Variants in FER observed in about 807,000 individuals in gnomAD.
FER encodes the protein tyrosine-protein kinase Fer.
Under a neutral mutation model 111.0 loss-of-function variants are expected in FER, and 63 were observed. The observed-to-expected ratio is 0.57, with a 90% CI of 0.46 to 0.70. The LOEUF is 0.70. Among genes scored for constraint, FER ranks in the 30% least tolerant of loss-of-function variants. The probability of loss-of-function intolerance (pLI) is 0.00; values close to 1 mark genes in which losing one functional copy is unlikely to be tolerated. For missense variants in FER, 914 were observed against 954.0 expected, an observed-to-expected ratio of 0.96 and a Z score of 0.55; for synonymous variants, 327 against 313.9, an observed-to-expected ratio of 1.04 and a Z score of -0.44.
intron 10 of FER, among the ~76,000 whole-genome samples, chr5:108,919,671 C>T (rs779122675): frequency 7.9e-5 from 12 of 152,126 alleles, no homozygotes; most frequent in Non-Finnish European, 1.3e-4. Context: ...CAGACAAGAA[C>T]ATTGAAGCTT....
intron 17 of FER, among the ~76,000 whole-genome samples, chr5:109,162,377 A>T (rs1047150856): frequency 6.6e-6 from 1 of 152,140 alleles, no homozygotes; most frequent in East Asian, 1.9e-4. Context: ...AAATACAAAA[A>T]TAGTTTATTG....
At chr5:109,017,502 T>G (rs1311290461) in intron 13 of FER, among the ~76,000 whole-genome samples, 1 of 151,992 alleles carries the variant, frequency 6.6e-6, no homozygotes, top group Non-Finnish European at 1.5e-5. Flanking sequence ...ATAAGTCTTG[T>G]ATATTCACAG....
chr5:109,098,682 A>T (rs1747838329), intron 16 of FER, among the ~76,000 whole-genome samples: 3 of 151,798 alleles, frequency 2.0e-5, no homozygotes, highest in Non-Finnish European at 4.4e-5. Flanking sequence ...TTTACTTTTC[A>T]CTATTGAAAT....
intron 16 of FER, among the ~76,000 whole-genome samples, chr5:109,068,619 C>G (rs935661587): frequency 6.6e-6 from 1 of 152,138 alleles, no homozygotes; most frequent in Non-Finnish European, 1.5e-5. Flanking sequence ...GGCTTTGGAA[C>G]CATATGTGGT....
intron 16 of FER, among the ~76,000 whole-genome samples, chr5:109,073,488 A>G (rs1236724798): frequency 2.0e-5 from 3 of 152,130 alleles, no homozygotes; most frequent in East Asian, 1.9e-4. Context: ...GATCCTAGCT[A>G]AGGGGCCGGT....
At chr5:109,152,197 AAGTCAG>A (rs1470185979) in intron 17 of FER, among the ~76,000 whole-genome samples, 1 of 152,078 alleles carries the variant, frequency 6.6e-6, no homozygotes, top group Non-Finnish European at 1.5e-5. Context: ...TGTAAAATCA[AAGTCAG>A]TTCCTGAGAG....
chr5:108,796,333 G>A (rs372360044), intron 2 of FER, among the ~76,000 whole-genome samples: 20 of 152,296 alleles, frequency 1.3e-4, no homozygotes, highest in East Asian at 5.8e-4. Context: ...TAAAGCCAGC[G>A]CAGCACTGGG....
At chr5:109,062,846 A>G (rs1469398037) in intron 16 of FER, among the ~76,000 whole-genome samples, 3 of 152,252 alleles carry the variant, frequency 2.0e-5, no homozygotes, top group Non-Finnish European at 4.4e-5. Flanking sequence ...ATTAAATGTT[A>G]TATTATCTGG....
At chr5:109,102,095 A>G (rs1413798500) in intron 17 of FER, among the ~76,000 whole-genome samples, 1 of 152,150 alleles carries the variant, frequency 6.6e-6, no homozygotes, top group African/African-American at 2.4e-5. Flanking sequence ...GGGTCACTGT[A>G]TAAATGCCTA....
At chr5:109,062,695 G>T (rs2080074358) in intron 16 of FER, among the ~76,000 whole-genome samples, 1 of 152,008 alleles carries the variant, frequency 6.6e-6, no homozygotes, top group Admixed American at 6.6e-5. Flanking sequence ...TAACACCTGT[G>T]CTGACTCTGG....
rs59305064 is a variant in FER at position 108,879,693 on chromosome 5, TAA to T, written c.924-3695_924-3694del. Among the ~76,000 whole-genome samples, 119 of 116,476 alleles carry T rather than the reference TAA, an allele frequency of 1.0e-3. 3 individuals are homozygous for T. Among genetic ancestry groups the T allele is most frequent in the South Asian group, 2.4e-3 (9 of 3,826 alleles). The allele number at this position is 116,476 out of a possible 152,430, so 76.4% of individuals were successfully genotyped here. ...TTCACCATATGTATTTTTTTTAGAT[TAA>T]AAAAAAATATATATATATATATATA... On this transcript the variant is annotated intron_variant, in intron 8 of 19. Coordinates refer to ENST00000281092, the MANE Select transcript of FER (RefSeq NM_005246.4).
At chr5:108,871,871 T>C (rs905040657) in intron 7 of FER, among the ~76,000 whole-genome samples, 2 of 152,040 alleles carry the variant, frequency 1.3e-5, no homozygotes, top group African/African-American at 4.8e-5. Context: ...AATACAATTG[T>C]GACAGGAATA....
At chr5:108,814,307 C>T (rs956612540) in intron 3 of FER, among the ~76,000 whole-genome samples, 3 of 151,958 alleles carry the variant, frequency 2.0e-5, no homozygotes, top group Non-Finnish European at 2.9e-5. Flanking sequence ...TATTGGATCT[C>T]GCGCAAGAAA....
intron 8 of FER, 40 bp downstream of exon 8, chr5:108,872,252 T>G (rs758696189): frequency 2.0e-6 from 3 of 1,521,228 alleles, no homozygotes; most frequent in Non-Finnish European, 1.8e-6. Context: ...AATACTAGTA[T>G]TATTATTGCT....
chr5:109,114,703 G>A (rs984076969), intron 17 of FER, among the ~76,000 whole-genome samples: 1 of 152,040 alleles, frequency 6.6e-6, no homozygotes, highest in South Asian at 2.1e-4. Context: ...AAAAAATAAA[G>A]CAGACTGGAT....
intron 1 of FER, among the ~76,000 whole-genome samples, chr5:108,760,969 T>G (rs1367624348): frequency 6.6e-6 from 1 of 151,948 alleles, no homozygotes; most frequent in Admixed American, 6.6e-5. Flanking sequence ...CTCGCTCTGT[T>G]GCCCAGGCTG....
At chr5:109,007,556 T>C (rs1765662901) in intron 13 of FER, among the ~76,000 whole-genome samples, 1 of 152,190 alleles carries the variant, frequency 6.6e-6, no homozygotes, top group Non-Finnish European at 1.5e-5. Flanking sequence ...ACTTCTTTTA[T>C]TTGGCAAAGT....
intron 16 of FER, among the ~76,000 whole-genome samples, chr5:109,059,628 C>T (rs534633110): frequency 2.2e-4 from 33 of 152,224 alleles, no homozygotes; most frequent in African/African-American, 6.5e-4. Context: ...TAATGACAAA[C>T]GTACAGAGTT....
intron 10 of FER, among the ~76,000 whole-genome samples, chr5:108,902,652 T>C (rs1458348221): frequency 2.0e-5 from 3 of 152,210 alleles, no homozygotes; most frequent in African/African-American, 7.2e-5. Flanking sequence ...AATGCTTAGT[T>C]AGAAGATAAA....
Sources: gnomAD v4.1 joint callset for allele counts (sites outside exome capture counted in the v4.1 genomes callset) on GRCh38, gnomAD v4.1.1 for gene constraint, MANE v1.5 for transcripts, NCBI Gene and HGNC (gene_info 2026-07-23, HGNC 2026-07-21) for gene names.